Variants in RORA observed in about 807,000 individuals in gnomAD.
RORA encodes RAR related orphan receptor A.
RORA carries 7 observed loss-of-function variants against 69.5 expected under a neutral mutation model. That is an observed-to-expected ratio of 0.10 (90% CI 0.06 to 0.19). The LOEUF (loss-of-function observed/expected upper bound fraction) is 0.19, where lower values mean the gene tolerates loss of function less well. Ranked by LOEUF, RORA falls within the 10% of genes least tolerant of loss-of-function variation. RORA has a pLI of 1.00. For missense variants in RORA, 457 were observed against 663.0 expected (o/e 0.69, Z 3.41); for synonymous variants, 261 against 240.8 (o/e 1.08, Z -0.78).
intron 1 of RORA, among the ~76,000 whole-genome samples, chr15:61,077,678 T>C (rs904112164): frequency 6.6e-6 from 1 of 152,098 alleles, no homozygotes; most frequent in African/African-American, 2.4e-5. Flanking sequence ...AAGGAAAGCC[T>C]CCTTTTGAAA....
chr15:60,983,072 C>G (rs1465503998), intron 1 of RORA, among the ~76,000 whole-genome samples: 1 of 152,092 alleles, frequency 6.6e-6, no homozygotes, highest in Non-Finnish European at 1.5e-5. Context: ...TTCTTAGTGC[C>G]ACCCCCTACT....
At chr15:60,657,378 C>T (rs573559973) in intron 2 of RORA, among the ~76,000 whole-genome samples, 6 of 152,260 alleles carry the variant, frequency 3.9e-5, no homozygotes, top group African/African-American at 7.2e-5. Flanking sequence ...TGACAACTGC[C>T]GACGCAGAAT....
chr15:61,192,754 T>C (rs2079812094), intron 1 of RORA, among the ~76,000 whole-genome samples: 1 of 152,210 alleles, frequency 6.6e-6, no homozygotes, highest in Non-Finnish European at 1.5e-5. Flanking sequence ...ATTTGTTTCC[T>C]AGAGACTTGA....
chr15:60,582,379 A>G (rs2068217758), intron 2 of RORA, among the ~76,000 whole-genome samples: 1 of 152,210 alleles, frequency 6.6e-6, no homozygotes, highest in African/African-American at 2.4e-5. Context: ...CTGTTTTAAT[A>G]GAAACACTTT....
intron 1 of RORA, among the ~76,000 whole-genome samples, chr15:61,046,929 G>C (rs1459961116): frequency 6.6e-6 from 1 of 152,214 alleles, no homozygotes; most frequent in Non-Finnish European, 1.5e-5. Context: ...AAGTGGAATT[G>C]ATATTTGCAA....
intron 2 of RORA, among the ~76,000 whole-genome samples, chr15:60,532,274 A>AATAT (rs2066547477): frequency 6.6e-6 from 1 of 152,184 alleles, no homozygotes; most frequent in South Asian, 2.1e-4. Context: ...ATACACTCTA[A>AATAT]AAAGTCAGGT....
At chr15:60,845,291 C>A (rs1046658773) in intron 1 of RORA, among the ~76,000 whole-genome samples, 3 of 152,206 alleles carry the variant, frequency 2.0e-5, no homozygotes, top group Non-Finnish European at 4.4e-5. Context: ...AGACACACTG[C>A]ATTTCAGCAT....
chr15:61,135,612 CA>C (rs2079231421), intron 1 of RORA, among the ~76,000 whole-genome samples: 1 of 149,754 alleles, frequency 6.7e-6, no homozygotes, highest in Non-Finnish European at 1.5e-5. Flanking sequence ...CAACTATCAC[CA>C]AATCCTAAAA....
chr15:61,006,869 A>G (rs147866104), intron 1 of RORA, among the ~76,000 whole-genome samples: 98 of 152,236 alleles, frequency 6.4e-4, no homozygotes, highest in African/African-American at 2.3e-3. Flanking sequence ...GGGTTTTCAA[A>G]CTAGAAAATG....
At chr15:61,024,183 G>A (rs1895681436) in intron 1 of RORA, among the ~76,000 whole-genome samples, 1 of 150,334 alleles carries the variant, frequency 6.7e-6, no homozygotes, top group Non-Finnish European at 1.5e-5. Context: ...AGGGGAACAA[G>A]TCAAACTGGG....
intron 1 of RORA, among the ~76,000 whole-genome samples, chr15:61,136,880 A>C (rs981951172): frequency 2.6e-5 from 4 of 152,128 alleles, no homozygotes; most frequent in Non-Finnish European, 5.9e-5. Flanking sequence ...TTGAGTCCAA[A>C]GTCAAGATGG....
chr15:60,707,826 C>G (rs2140803902), intron 1 of RORA, among the ~76,000 whole-genome samples: 1 of 152,306 alleles, frequency 6.6e-6, no homozygotes, highest in East Asian at 1.9e-4. Flanking sequence ...ACTGGCCATC[C>G]TCCAGCCTGG....
intron 1 of RORA, among the ~76,000 whole-genome samples, chr15:61,150,224 A>T: frequency 6.6e-6 from 1 of 152,222 alleles, no homozygotes; most frequent in East Asian, 1.9e-4. Context: ...TAGAAGTAGA[A>T]GAAATACACA....
intron 1 of RORA, among the ~76,000 whole-genome samples, chr15:60,840,417 T>C (rs1595758228): frequency 6.6e-6 from 1 of 152,234 alleles, no homozygotes; most frequent in Non-Finnish European, 1.5e-5. Flanking sequence ...TTGATTCAGA[T>C]CTGTGGCTGT....
Position 61,147,800 on chromosome 15 carries a change from C to T in RORA, c.166+81253G>A, listed in dbSNP as rs2079363637. On this transcript the variant is annotated intron_variant, in intron 1 of 10. Transcript: ENST00000335670. The surrounding 1 kb of genome is among the most constrained non-coding windows in gnomAD (Gnocchi z 4.1). ...GTGTGTGTGTGTGTGTGTGTGAAAT[C>T]TTTAGGTTTTTTTACCTGCCTCCTT... is the stretch of plus-strand genomic sequence containing the variant. Among the ~76,000 whole-genome samples the T allele has an allele frequency of 1.5e-5, 1 of 66,650 alleles. No individual in the cohort carries two copies. The highest frequency in any genetic ancestry group is 3.8e-5 in the African/African-American group (1 of 26,278). The allele number at this position is 66,650 out of a possible 152,430, so 43.7% of individuals were successfully genotyped here. A position where few individuals can be genotyped will look rare whatever the true frequency, so the allele number is the denominator to read the frequency against.
chr15:61,114,420 T>C (rs1002466513), intron 1 of RORA, among the ~76,000 whole-genome samples: 1 of 152,204 alleles, frequency 6.6e-6, no homozygotes, highest in African/African-American at 2.4e-5. Flanking sequence ...TGGGGACCTA[T>C]GTTAATATGA....
intron 2 of RORA, among the ~76,000 whole-genome samples, chr15:60,588,534 C>T (rs747012991): frequency 6.6e-6 from 1 of 151,940 alleles, no homozygotes; most frequent in African/African-American, 2.4e-5. Context: ...TCCTAGATAC[C>T]CCAGAGCAAA....
At chr15:61,090,825 T>G (rs750154344) in intron 1 of RORA, among the ~76,000 whole-genome samples, 3 of 152,104 alleles carry the variant, frequency 2.0e-5, no homozygotes, top group Non-Finnish European at 2.9e-5. Context: ...CCACTGTTAT[T>G]CACCCCTGCC....
intron 1 of RORA, among the ~76,000 whole-genome samples, chr15:61,184,386 C>A (rs2140907705): frequency 6.6e-6 from 1 of 152,240 alleles, no homozygotes; most frequent in African/African-American, 2.4e-5. Context: ...GGAAGCCCTC[C>A]CCAGACACCC....
Sources: allele counts gnomAD v4.1 joint callset (sites outside exome capture counted in the v4.1 genomes callset), GRCh38; gene constraint gnomAD v4.1.1; non-coding constraint Gnocchi (gnomAD v3.1); transcripts MANE v1.5; gene names NCBI Gene and HGNC (gene_info 2026-07-23, HGNC 2026-07-21).